Variants in PNLIP observed in about 807,000 individuals in gnomAD.
PNLIP encodes pancreatic lipase.
Under a neutral mutation model 57.1 loss-of-function variants are expected in PNLIP, and 49 were observed. The observed-to-expected ratio is 0.86, with a 90% CI of 0.68 to 1.09. PNLIP has a LOEUF of 1.09. PNLIP is among the 50% of genes least tolerant of loss of function. The pLI is 0.00. For synonymous variants in PNLIP, 209 were observed against 200.4 expected (o/e 1.04, Z -0.36); for missense variants, 503 against 570.2 (o/e 0.88, Z 1.20).
intron 5 of PNLIP, 98 bp from the exon 6 acceptor site, chr10:116,553,629 G>C (rs1847218347): frequency 2.7e-6 from 2 of 734,590 alleles, no homozygotes; most frequent in Non-Finnish European, 4.9e-6. Flanking sequence ...CCACAACAAT[G>C]AAATCGCTTG....
rs772461888 is a variant in PNLIP, at chr10:116,555,638, A to G, written c.811+131A>G. On this transcript the variant is annotated intron_variant, in intron 8 of 12. Transcript: ENST00000369221. ...TAACAAAAGACTTTTAATTGTATCC[A>G]TGAGATGTAGGTTTTCACTGGGATA... The G allele has an allele frequency of 8.5e-6, 9 of 1,059,550 alleles. No homozygotes were observed. The Admixed American group carries it at 1.4e-4, about 17-fold the overall frequency. 65.6% of individuals were successfully genotyped at this position (1,059,550 alleles called of 1,614,324 possible). A position where few individuals can be genotyped will look rare whatever the true frequency, so the allele number is the denominator to read the frequency against.
At chr10:116,562,547 G>A (rs1847325409) in intron 12 of PNLIP, among the ~76,000 whole-genome samples, 2 of 152,158 alleles carry the variant, frequency 1.3e-5, no homozygotes, top group Non-Finnish European at 2.9e-5. Context: ...TCAGAGCTAA[G>A]AATGAGAAGA....
intron 5 of PNLIP, 21 bp from the exon 6 acceptor site, chr10:116,553,705 GA>G: frequency 6.8e-7 from 1 of 1,477,766 alleles, no homozygotes; most frequent in Non-Finnish European, 9.5e-7. Context: ...AAAACATTCT[GA>G]AAAGGTTTTC....
intron 4 of PNLIP, 139 bp downstream of exon 4, chr10:116,548,621 T>G: frequency 1.1e-6 from 1 of 936,598 alleles, no homozygotes; most frequent in Non-Finnish European, 1.6e-6. Flanking sequence ...CTGGAGTTCC[T>G]AGGGGAGGTC....
chr10:116,548,513 C>T, intron 4 of PNLIP, 31 bp downstream of exon 4: 1 of 1,606,426 alleles, frequency 6.2e-7, no homozygotes. Flanking sequence ...AAGGAAAGAT[C>T]GTTTCCAAAG....
chr10:116,549,305 G>A (rs1415831553), intron 4 of PNLIP, among the ~76,000 whole-genome samples: 5 of 151,882 alleles, frequency 3.3e-5, no homozygotes, highest in South Asian at 4.2e-4. Flanking sequence ...GTGAAACCCC[G>A]TCTCTACTAA....
chr10:116,564,652 T>C (rs1460377605), intron 12 of PNLIP, among the ~76,000 whole-genome samples: 2 of 152,148 alleles, frequency 1.3e-5, no homozygotes, highest in Admixed American at 6.5e-5. Context: ...AAATTCTCTT[T>C]GAAAAAATTG....
chr10:116,561,920 G>A (rs1457397751), intron 12 of PNLIP, among the ~76,000 whole-genome samples: 1 of 152,212 alleles, frequency 6.6e-6, no homozygotes, highest in Non-Finnish European at 1.5e-5. Flanking sequence ...TTTGGCAGCT[G>A]TGCTTCGTGC....
rs142749694 is a variant in PNLIP at position 116,547,407 on chromosome 10, C to G, written c.160C>G (p.Arg54Gly). 1.2e-6 allele frequency: 2 copies of G among 1,613,940 alleles called. No homozygotes were observed. The highest frequency in any genetic ancestry group is 1.3e-5 in the African/African-American group (1 of 75,000). The stretch of plus-strand genomic sequence containing the variant: ...TTGGTCTCCAAAAGATGTCAACACC[C>G]GCTTCCTCCTATATACTAATGAGAA... ...LPWSPKDVNT[R>G]FLLYTNENPN... The change falls in exon 3 of 13, where the codon CGC becomes GGC. Residue 54 changes from arginine to glycine, a missense_variant. By Grantham distance (125) the Arg-to-Gly change is moderately radical. Coordinates refer to ENST00000369221, the MANE Select transcript of PNLIP (RefSeq NM_000936.4).
chr10:116,565,249 CAAAAAAAAAA>C (rs71010093), intron 12 of PNLIP, among the ~76,000 whole-genome samples: 1 of 33,400 alleles, frequency 3.0e-5, no homozygotes, highest in Non-Finnish European at 4.8e-5. Context: ...GACAATGTCT[CAAAAAAAAAA>C]AAAAAAAAAA....
At chr10:116,548,701 T>C (rs947221114) in intron 4 of PNLIP, among the ~76,000 whole-genome samples, 6 of 152,142 alleles carry the variant, frequency 3.9e-5, no homozygotes, top group Admixed American at 3.9e-4. Flanking sequence ...ACTTGGTGGA[T>C]CTAGGCAGTG....
At chr10:116,547,739 A>G (rs1218763222) in intron 3 of PNLIP, among the ~76,000 whole-genome samples, 1 of 151,052 alleles carries the variant, frequency 6.6e-6, no homozygotes, top group African/African-American at 2.4e-5. Flanking sequence ...AAAAAAAAAA[A>G]AAAAAAAAAG....
At chr10:116,549,403 C>A (rs567941379) in intron 4 of PNLIP, among the ~76,000 whole-genome samples, 13 of 151,964 alleles carry the variant, frequency 8.6e-5, no homozygotes, top group African/African-American at 2.9e-4. Flanking sequence ...CGCTTGAACC[C>A]GGGAGGCAGA....
In PNLIP at chr10:116,556,118, A is replaced by T; in HGVS notation, c.930A>T (p.Ala310=). ...FPCASYNVFT[A]NKCFPCPSGG... Reference sequence around the variant, plus strand: ...GTGCCTCTTACAACGTCTTCACTGCAGTAAGTAGACTCCACCTTCCGCATA... The same window carrying T: ...GTGCCTCTTACAACGTCTTCACTGCTGTAAGTAGACTCCACCTTCCGCATA... The change falls in exon 9 of 13, where the codon GCA becomes GCT. Residue 310 remains alanine (A), a splice_region_variant and synonymous_variant. Coordinates refer to ENST00000369221, the MANE Select transcript of PNLIP (RefSeq NM_000936.4). 1 of 1,561,812 alleles carries T rather than the reference A, an allele frequency of 6.4e-7. No homozygotes were observed. The highest frequency in any genetic ancestry group is 8.8e-7 in the Non-Finnish European group (1 of 1,132,306).
chr10:116,564,044 G>C (rs74957639), intron 12 of PNLIP, among the ~76,000 whole-genome samples: 2 of 152,032 alleles, frequency 1.3e-5, no homozygotes, highest in Non-Finnish European at 2.9e-5. Flanking sequence ...TTCAAACATG[G>C]TGAAAACTAT....
chr10:116,548,401 C>CAAAACAAATAGAAAAACA lies in PNLIP; in HGVS notation c.260_261insAAAAACAAATAGAAAAAC (p.Lys82_Thr87dup). The CAAAACAAATAGAAAAACA allele has an allele frequency of 5.6e-6, 9 of 1,613,992 alleles. No individual in the cohort carries two copies. Among genetic ancestry groups the CAAAACAAATAGAAAAACA allele is most frequent in the Non-Finnish European group, 7.6e-6 (9 of 1,179,928 alleles). On this transcript the variant is annotated inframe_insertion, in exon 4 of 13. Transcript: ENST00000369221. ...CATCAAGCATCAGTGGCTCCAATTT[C>CAAAACAAATAGAAAAACA]AAAACAAATAGAAAAACTCGCTTTA...
At position 116,551,381 on chromosome 10, in the gene PNLIP, T is replaced by G. The variant is rs1847190555; in HGVS notation, c.459+149T>G. ...GTTTCTCTTGGCTACAAAGAAAAAT[T>G]AAAAAAAATCTAGCTTTGGGTTTCA... is the stretch of plus-strand genomic sequence containing the variant. On this transcript the variant is annotated intron_variant, in intron 5 of 12. Transcript: ENST00000369221. The G allele has an allele frequency of 1.3e-5, 7 of 534,118 alleles. No individual in the cohort carries two copies. In the Admixed American group the frequency reaches 3.0e-4, roughly 23 times the overall value. 33.1% of individuals were successfully genotyped at this position (534,118 alleles called of 1,614,324 possible).
intron 5 of PNLIP, among the ~76,000 whole-genome samples, chr10:116,553,181 C>T (rs1274725180): frequency 2.0e-5 from 3 of 152,214 alleles, no homozygotes; most frequent in Non-Finnish European, 2.9e-5. Flanking sequence ...TCTCGGCTCA[C>T]TGCAACTTCC....
chr10:116,560,550 CTTTTT>C (rs753235094), intron 11 of PNLIP, 26 bp downstream of exon 11: 1,711 of 501,102 alleles, frequency 3.4e-3, no homozygotes, highest in Middle Eastern at 4.0e-3. Flanking sequence ...TTGCTCTATG[CTTTTT>C]TTTTTTTTTT....
Sources: allele counts gnomAD v4.1 joint callset (sites outside exome capture counted in the v4.1 genomes callset), GRCh38; gene constraint gnomAD v4.1.1; transcripts MANE v1.5; gene names NCBI Gene and HGNC (gene_info 2026-07-23, HGNC 2026-07-21).